Variants in ECM2 observed in about 807,000 individuals in gnomAD.
ECM2 encodes extracellular matrix protein 2, also known as extracellular matrix protein 2, female organ and adipocyte specific.
ECM2 carries 57 observed loss-of-function variants against 67.5 expected under a neutral mutation model. The observed-to-expected ratio is 0.84, with a 90% CI of 0.68 to 1.05. ECM2 has a LOEUF of 1.05. Ranked by LOEUF, ECM2 falls within the 50% of genes least tolerant of loss-of-function variation. ECM2 has a pLI of 0.00. For synonymous variants in ECM2, 258 were observed against 294.5 expected (o/e 0.88, Z 1.27); for missense variants, 741 against 822.8 (o/e 0.90, Z 1.22).
chr9:92,538,482 C>G (rs986788986), upstream of ECM2, among the ~76,000 whole-genome samples: 4 of 152,026 alleles, frequency 2.6e-5, no homozygotes, highest in African/African-American at 9.7e-5. Flanking sequence ...ATAAGAATAA[C>G]TTAAAAAGAA....
rs750921084 is a variant in ECM2 at position 92,500,839 on chromosome 9, A to G, written c.1819T>C (p.Tyr607His). 2.5e-6 allele frequency: 4 copies of G among 1,614,128 alleles called. No individual in the cohort carries two copies. Among genetic ancestry groups the G allele is most frequent in the Non-Finnish European group, 3.4e-6 (4 of 1,180,056 alleles). ...AGAAATAATTCTCTCAGAGAATGAT[A>G]TGCCCCATAGAAGGAGACACGGTCC... ...GMDRVSFYGA[Y>H]HSLRELFLDH... The change falls in exon 9 of 10, where the codon TAT becomes CAT. Residue 607 changes from tyrosine (Y) to histidine (H), a missense_variant. By Grantham distance (83) the Tyr-to-His change is moderately conservative. Transcript: ENST00000344604.
upstream of ECM2, among the ~76,000 whole-genome samples, chr9:92,540,661 C>T (rs1422914810): frequency 1.3e-5 from 2 of 151,620 alleles, no homozygotes; most frequent in Admixed American, 6.6e-5. Context: ...GTCGCAGCTA[C>T]TCGGGAGGCT....
chr9:92,547,613 G>A, the ECM2 span, among the ~76,000 whole-genome samples: 1 of 152,178 alleles, frequency 6.6e-6, no homozygotes, highest in African/African-American at 2.4e-5. Context: ...CAAAATAGAC[G>A]AATCCATTGA....
At chr9:92,536,173 A>T (rs574266501), upstream of ECM2, 40 of 340,288 alleles carry the variant, frequency 1.2e-4, no homozygotes, top group South Asian at 3.8e-4. Flanking sequence ...CAAGGGAAAT[A>T]TTTTTTTTAA....
chr9:92,514,916 C>G lies in ECM2; in HGVS notation c.769G>C (p.Glu257Gln), dbSNP rs747910609. 1 of 1,613,768 alleles carries G rather than the reference C, an allele frequency of 6.2e-7. No homozygotes were observed. Among genetic ancestry groups the G allele is most frequent in the Admixed American group, 1.7e-5 (1 of 60,016 alleles). The change falls in exon 4 of 10, where the codon GAG (glutamate) becomes CAG (glutamine). Residue 257 changes from glutamate (E) to glutamine (Q), a missense_variant. Glu to Gln is a conservative substitution (Grantham distance 29). Coordinates refer to ENST00000344604, the MANE Select transcript of ECM2 (RefSeq NM_001393.4). ...GGDRKQRPGE[E>Q]RRLAHQQQRQ... ...TGTTGCTGGTGTGCCAGCCTCCTCTCCTCTCCAGGCCTCTGCTTTCTGTCT... is the reference window on the plus strand; with the variant it reads ...TGTTGCTGGTGTGCCAGCCTCCTCTGCTCTCCAGGCCTCTGCTTTCTGTCT...
At chr9:92,523,608 A>C (rs933242066) in intron 1 of ECM2, among the ~76,000 whole-genome samples, 1 of 152,236 alleles carries the variant, frequency 6.6e-6, no homozygotes, top group African/African-American at 2.4e-5. Context: ...GTTTAGGGCG[A>C]AACAGTGAAA....
intron 1 of ECM2, among the ~76,000 whole-genome samples, chr9:92,533,328 A>AAAAAAAAATATATATATATAT (rs1554683138): frequency 2.6e-5 from 1 of 38,336 alleles, no homozygotes; most frequent in Non-Finnish European, 4.3e-5. Flanking sequence ...AAAAAAAAAA[A>AAAAAAAAATATATATATATAT]ATATATATAT....
At chr9:92,544,391 G>A in the ECM2 span, among the ~76,000 whole-genome samples, 12 of 152,274 alleles carry the variant, frequency 7.9e-5, no homozygotes, top group East Asian at 1.9e-4. Context: ...CACGAGAATC[G>A]CTTGAATCTT....
chr9:92,517,990 A>G (rs546806938), intron 2 of ECM2, 115 bp from the exon 3 acceptor site: 19 of 1,163,146 alleles, frequency 1.6e-5, no homozygotes, highest in African/African-American at 1.5e-4. Context: ...ATAGAATTCT[A>G]TGTGCATTCA....
At chr9:92,549,054 C>T in the ECM2 span, among the ~76,000 whole-genome samples, 8 of 152,132 alleles carry the variant, frequency 5.3e-5, no homozygotes, top group Admixed American at 1.3e-4. Flanking sequence ...AAACAATGGA[C>T]AGTGGCACAG....
chr9:92,533,329 ATATATATATAT>A (rs1211124959), intron 1 of ECM2, among the ~76,000 whole-genome samples: 46 of 43,532 alleles, frequency 1.1e-3, no homozygotes, highest in Non-Finnish European at 1.8e-3. Context: ...AAAAAAAAAA[ATATATATATAT>A]ATATATATAT....
chr9:92,547,797 A>G, the ECM2 span, among the ~76,000 whole-genome samples: 1 of 152,236 alleles, frequency 6.6e-6, no homozygotes, highest in South Asian at 2.1e-4. Flanking sequence ...TATGCGTTTT[A>G]TGGTACGTAA....
chr9:92,520,547 G>T (rs776256994), intron 2 of ECM2, among the ~76,000 whole-genome samples: 47 of 152,098 alleles, frequency 3.1e-4, no homozygotes, highest in Non-Finnish European at 5.9e-4. Context: ...GAAAACATTT[G>T]GCAGTTCATC....
In ECM2 at chr9:92,514,579, A is replaced by G. The variant is rs1417337805; in HGVS notation, c.1054+52T>C. 4 of 1,524,250 alleles carry G rather than the reference A, an allele frequency of 2.6e-6. No individual in the cohort carries two copies. The East Asian group carries it at 6.8e-5, about 26-fold the overall frequency. 94.4% of individuals were successfully genotyped at this position (1,524,250 alleles called of 1,614,324 possible). A position where few individuals can be genotyped will look rare whatever the true frequency, so the allele number is the denominator to read the frequency against. On this transcript the variant is annotated intron_variant, in intron 4 of 9. Coordinates refer to ENST00000344604, the MANE Select transcript of ECM2 (RefSeq NM_001393.4). ...CGTGAGCCACCGTGCCCAGCTGCTA[A>G]GAGTCATTTACTTTTAAAGCACAAA...
In ECM2 at chr9:92,522,863, T is replaced by G; in HGVS notation, c.4A>C (p.Lys2Gln). 1 of 1,591,594 alleles carries G rather than the reference T, an allele frequency of 6.3e-7. No individual in the cohort carries two copies. The highest frequency in any genetic ancestry group is 2.2e-5 in the East Asian group (1 of 44,708). ...AAAAAACAAAACAAAACTGCAATCT[T>G]CATGTTTGATTTTTTTCCACCAGCC... The part of the protein sequence containing the change: M[K>Q]IAVLFCFFLL... The change falls in exon 2 of 10, where the codon AAG becomes CAG. Residue 2 changes from lysine (K) to glutamine (Q), a missense_variant. Lys to Gln is a moderately conservative substitution (Grantham distance 53). Transcript: ENST00000344604.
At chr9:92,548,221 G>A in the ECM2 span, among the ~76,000 whole-genome samples, 1 of 120,190 alleles carries the variant, frequency 8.3e-6, no homozygotes, top group Non-Finnish European at 1.7e-5. Context: ...GCTTTGTGGG[G>A]TCTTTCACTG....
At chr9:92,499,781 A>G (rs1310186030) in intron 9 of ECM2, among the ~76,000 whole-genome samples, 1 of 152,156 alleles carries the variant, frequency 6.6e-6, no homozygotes, top group Non-Finnish European at 1.5e-5. Context: ...GGACTTTTAG[A>G]GAAGGGGAAA....
chr9:92,537,354 T>C (rs1849207001), upstream of ECM2, among the ~76,000 whole-genome samples: 4 of 152,172 alleles, frequency 2.6e-5, no homozygotes, highest in Admixed American at 2.6e-4. Context: ...AGGAAAATGA[T>C]ATCTATTTTT....
downstream of ECM2, among the ~76,000 whole-genome samples, chr9:92,494,537 T>C (rs992907509): frequency 1.3e-5 from 2 of 152,232 alleles, no homozygotes; most frequent in African/African-American, 4.8e-5. Context: ...CTAACAGTTA[T>C]CTTCATATTA....
Sources: allele counts gnomAD v4.1 joint callset (sites outside exome capture counted in the v4.1 genomes callset), GRCh38; gene constraint gnomAD v4.1.1; transcripts MANE v1.5; gene names NCBI Gene and HGNC (gene_info 2026-07-23, HGNC 2026-07-21).